DGKB: variants seen among roughly 807,000 people sequenced by gnomAD.
DGKB encodes 90 kDa diacylglycerol kinase.
In DGKB, 67 loss-of-function variants were observed where a neutral mutation model predicts 114.3. That is an observed-to-expected ratio of 0.59 (90% CI 0.48 to 0.72). The LOEUF is 0.72. Among genes scored for constraint, DGKB ranks in the 30% least tolerant of loss-of-function variants. DGKB has a pLI of 0.00. For missense variants in DGKB, 907 were observed against 975.2 expected (o/e 0.93, Z 0.93); for synonymous variants, 398 against 323.1 (o/e 1.23, Z -2.49).
chr7:14,305,693 T>C (rs560339651), intron 23 of DGKB, among the ~76,000 whole-genome samples: 6 of 152,140 alleles, frequency 3.9e-5, no homozygotes, highest in Admixed American at 2.0e-4. Context: ...GTCCCACAGA[T>C]TGCACCAGTG....
At chr7:14,602,682 T>C (rs1035896943) in intron 17 of DGKB, among the ~76,000 whole-genome samples, 1 of 152,176 alleles carries the variant, frequency 6.6e-6, no homozygotes, top group African/African-American at 2.4e-5. Context: ...ATACCAAATC[T>C]CCTGGCCCCT....
chr7:14,375,695 T>C (rs2128665403), intron 21 of DGKB, among the ~76,000 whole-genome samples: 1 of 152,336 alleles, frequency 6.6e-6, no homozygotes, highest in African/African-American at 2.4e-5. Context: ...TGCCTCACGC[T>C]GGCATTTCCT....
intron 23 of DGKB, among the ~76,000 whole-genome samples, chr7:14,283,873 T>C (rs1584927964): frequency 6.6e-6 from 1 of 151,926 alleles, no homozygotes; most frequent in East Asian, 1.9e-4. Context: ...TCAAGATGGA[T>C]TAAAGACTTA....
upstream of DGKB, among the ~76,000 whole-genome samples, chr7:14,905,779 A>T (rs549468865): frequency 1.3e-5 from 2 of 152,344 alleles, no homozygotes; most frequent in East Asian, 3.9e-4. Flanking sequence ...TCTAGCATCT[A>T]CCAAAGTGCT....
At chr7:14,548,926 T>G (rs1444563853) in intron 20 of DGKB, among the ~76,000 whole-genome samples, 1 of 151,844 alleles carries the variant, frequency 6.6e-6, no homozygotes, top group Non-Finnish European at 1.5e-5. Context: ...TAAGATCAGT[T>G]CTAGATGAGT....
intron 23 of DGKB, among the ~76,000 whole-genome samples, chr7:14,195,765 G>A (rs1432326534): frequency 1.3e-5 from 2 of 152,098 alleles, no homozygotes; most frequent in African/African-American, 4.8e-5. Flanking sequence ...AATAAGGACA[G>A]AACATGATGA....
intron 13 of DGKB, among the ~76,000 whole-genome samples, chr7:14,640,470 G>T (rs1811556778): frequency 6.6e-6 from 1 of 152,148 alleles, no homozygotes; most frequent in African/African-American, 2.4e-5. Context: ...CAGGGTTTGG[G>T]TTTCCTTGGG....
At chr7:14,596,187 T>C (rs1489778366) in intron 17 of DGKB, among the ~76,000 whole-genome samples, 1 of 152,200 alleles carries the variant, frequency 6.6e-6, no homozygotes, top group Non-Finnish European at 1.5e-5. Context: ...GGAATAATGA[T>C]ACATTTAATA....
intron 25 of DGKB, among the ~76,000 whole-genome samples, chr7:14,172,720 C>T (rs1460563606): frequency 6.6e-6 from 1 of 151,980 alleles, no homozygotes; most frequent in African/African-American, 2.4e-5. Flanking sequence ...TGAATAGTCA[C>T]TTCTCACTTA....
chr7:14,408,314 C>T (rs1033399548), intron 21 of DGKB, among the ~76,000 whole-genome samples: 5 of 151,984 alleles, frequency 3.3e-5, no homozygotes, highest in African/African-American at 1.2e-4. Flanking sequence ...GGAAGTACTT[C>T]GGATTTTTGT....
At chr7:14,678,287 C>G (rs1445556282) in intron 12 of DGKB, among the ~76,000 whole-genome samples, 1 of 152,012 alleles carries the variant, frequency 6.6e-6, no homozygotes, top group African/African-American at 2.4e-5. Flanking sequence ...GGTGTGAAAC[C>G]AATGGAGAGC....
chr7:14,561,452 C>A (rs1489700595), intron 20 of DGKB, among the ~76,000 whole-genome samples: 1 of 151,974 alleles, frequency 6.6e-6, no homozygotes, highest in Non-Finnish European at 1.5e-5. Context: ...AAAATGGAGA[C>A]GTGACTTTGG....
At chr7:14,212,418 GTGTTTTGTGATATTTACTCTCA>G (rs1488840998) in intron 23 of DGKB, among the ~76,000 whole-genome samples, 1,432 of 16,842 alleles carry the variant, frequency 0.085, 284 homozygotes, top group Middle Eastern at 0.14. Flanking sequence ...TTTTACTCTC[GTGTTTTGTGATATTTACTCTCA>G]TGTTTTGTGT....
intron 20 of DGKB, among the ~76,000 whole-genome samples, chr7:14,553,067 G>A (rs1795337602): frequency 1.3e-5 from 2 of 152,330 alleles, no homozygotes; most frequent in South Asian, 2.1e-4. Context: ...CAAATGGGAA[G>A]AACAATACAT....
At position 14,402,947 on chromosome 7, in the gene DGKB, T is replaced by G. The variant is rs145583029; in HGVS notation, c.1836-57556A>C. On this transcript the variant is annotated intron_variant, in intron 21 of 25. Coordinates refer to ENST00000402815, the MANE Select transcript of DGKB (RefSeq NM_001350709.2). ...CTGCAACATCAATTCTTAGAGGAAT[T>G]TCTAGCCAGCTGTCTTGCCCTGCAG... 6.4e-3 allele frequency among the ~76,000 whole-genome samples: 973 copies of G among 152,008 alleles called. 5 individuals carry two copies. Among genetic ancestry groups the G allele is most frequent in the Non-Finnish European group, 0.011 (741 of 67,884 alleles).
At chr7:14,621,241 A>G (rs1218410062) in intron 15 of DGKB, 137 bp downstream of exon 15, 4 of 586,082 alleles carry the variant, frequency 6.8e-6, no homozygotes, top group Non-Finnish European at 1.2e-5. Flanking sequence ...TGATAAATTA[A>G]TAAAGATCTT....
intron 2 of DGKB, among the ~76,000 whole-genome samples, chr7:14,765,586 G>A (rs17168412): frequency 0.02 from 3,107 of 151,852 alleles, 105 homozygotes; most frequent in African/African-American, 0.071. Flanking sequence ...CTAATCCAAT[G>A]CCTTGCACAA....
At chr7:14,771,850 C>CT (rs1265552558) in intron 2 of DGKB, among the ~76,000 whole-genome samples, 2 of 152,070 alleles carry the variant, frequency 1.3e-5, no homozygotes, top group Admixed American at 6.6e-5. Context: ...GCCAGGCACC[C>CT]TTTTAGGTCT....
At chr7:14,841,060 G>T in intron 2 of DGKB, 134 bp downstream of exon 2, 1 of 697,974 alleles carries the variant, frequency 1.4e-6, no homozygotes, top group Non-Finnish European at 2.3e-6. Flanking sequence ...AAGTCAACCT[G>T]ACTTGTAAAC....
Sources: allele counts gnomAD v4.1 joint callset (sites outside exome capture counted in the v4.1 genomes callset), GRCh38; gene constraint gnomAD v4.1.1; transcripts MANE v1.5; gene names NCBI Gene and HGNC (gene_info 2026-07-23, HGNC 2026-07-21).